The following CPEB3 variants were observed in gnomAD, a reference collection of about 807,000 sequenced individuals.
The protein encoded by CPEB3 is cytoplasmic polyadenylation element-binding protein 3.
A neutral mutation model predicts 67.2 loss-of-function variants in CPEB3; 20 were observed. The ratio of observed to expected loss-of-function variants is 0.30; its 90% CI spans 0.21 to 0.43. CPEB3 has a LOEUF of 0.43. CPEB3 is among the 20% of genes least tolerant of loss of function. The probability of loss-of-function intolerance (pLI) is 1.00; values close to 1 mark genes in which losing one functional copy is unlikely to be tolerated. For synonymous variants in CPEB3, 376 were observed against 393.1 expected, an observed-to-expected ratio of 0.96 and a Z score of 0.51; for missense variants, 746 against 968.6, an observed-to-expected ratio of 0.77 and a Z score of 3.05.
At chr10:92,060,170 A>T (rs1842286079) in intron 9 of CPEB3, among the ~76,000 whole-genome samples, 1 of 152,018 alleles carries the variant, frequency 6.6e-6, no homozygotes, top group South Asian at 2.1e-4. Context: ...CAGCCTGGTC[A>T]ACATGGTGAA....
intron 4 of CPEB3, among the ~76,000 whole-genome samples, chr10:92,152,126 C>A (rs908749395): frequency 6.6e-6 from 1 of 152,232 alleles, no homozygotes; most frequent in Admixed American, 6.5e-5. Context: ...CCAAACTCAT[C>A]TTAAGACATA....
intron 7 of CPEB3, among the ~76,000 whole-genome samples, chr10:92,093,497 C>G (rs1304214101): frequency 6.6e-6 from 1 of 151,892 alleles, no homozygotes; most frequent in Non-Finnish European, 1.5e-5. Context: ...CAGTTAGAAA[C>G]AGTCTACACT....
chr10:92,126,502 A>C (rs1163905986), intron 6 of CPEB3, among the ~76,000 whole-genome samples: 1 of 152,230 alleles, frequency 6.6e-6, no homozygotes, highest in African/African-American at 2.4e-5. Flanking sequence ...CTCTTTGGAA[A>C]TACTCCAGCT....
At chr10:92,248,506 G>A (rs1852161590) in intron 1 of CPEB3, among the ~76,000 whole-genome samples, 1 of 152,142 alleles carries the variant, frequency 6.6e-6, no homozygotes, top group Admixed American at 6.5e-5. Context: ...GTCCTGGGTA[G>A]TTGGTAGGTG....
chr10:92,157,597 C>T (rs1847266885), intron 4 of CPEB3, among the ~76,000 whole-genome samples: 1 of 152,058 alleles, frequency 6.6e-6, no homozygotes, highest in South Asian at 2.1e-4. Context: ...GAAACTTAAG[C>T]TTCATTTACT....
At chr10:92,174,631 G>T (rs910007551) in intron 4 of CPEB3, among the ~76,000 whole-genome samples, 15 of 152,160 alleles carry the variant, frequency 9.9e-5, no homozygotes, top group Middle Eastern at 3.4e-3. Flanking sequence ...AAACTACTTA[G>T]GTTTTATTCT....
chr10:92,157,617 A>T (rs1847268444), intron 4 of CPEB3, among the ~76,000 whole-genome samples: 1 of 152,124 alleles, frequency 6.6e-6, no homozygotes. Context: ...TTCCGGGGTA[A>T]ATCTGACTCT....
chr10:92,232,060 T>C (rs1851295588), intron 2 of CPEB3, among the ~76,000 whole-genome samples: 3 of 149,438 alleles, frequency 2.0e-5, no homozygotes, highest in Admixed American at 1.3e-4. Flanking sequence ...ATAATTTTTT[T>C]TTTTTTTTTG....
At chr10:92,235,340 G>A (rs1390674689) in intron 2 of CPEB3, among the ~76,000 whole-genome samples, 1 of 151,890 alleles carries the variant, frequency 6.6e-6, no homozygotes, top group East Asian at 1.9e-4. Context: ...CAGCTACTTG[G>A]GAAGCTGAGG....
intron 3 of CPEB3, among the ~76,000 whole-genome samples, chr10:92,188,320 T>TAAAAAA (rs756970118): frequency 2.4e-4 from 9 of 36,974 alleles, no homozygotes; most frequent in African/African-American, 9.9e-4. Context: ...TAAGACATAG[T>TAAAAAA]AAAAAAAAAA....
At chr10:92,260,828 C>G (rs1294111964) in intron 1 of CPEB3, among the ~76,000 whole-genome samples, 1 of 152,056 alleles carries the variant, frequency 6.6e-6, no homozygotes, top group Non-Finnish European at 1.5e-5. Context: ...AGGCTGGTCT[C>G]GAACTCCTGA....
chr10:92,269,191 A>G (rs1287317730), intron 1 of CPEB3, among the ~76,000 whole-genome samples: 3 of 152,188 alleles, frequency 2.0e-5, no homozygotes, highest in African/African-American at 7.2e-5. Context: ...AGGCTTCAAG[A>G]TATCAACAGC....
intron 7 of CPEB3, among the ~76,000 whole-genome samples, chr10:92,098,770 C>CTTTTTTTTT (rs984013045): frequency 2.3e-3 from 286 of 124,502 alleles, no homozygotes; most frequent in African/African-American, 4.2e-3. Flanking sequence ...TTCTTTTTTT[C>CTTTTTTTTT]TTTTTTTTTT....
At chr10:92,286,846 A>G (rs1842552208) in intron 1 of CPEB3, among the ~76,000 whole-genome samples, 1 of 152,148 alleles carries the variant, frequency 6.6e-6, no homozygotes, top group Non-Finnish European at 1.5e-5. Context: ...TGATGGAAGA[A>G]CATTAGAGTG....
intron 7 of CPEB3, among the ~76,000 whole-genome samples, chr10:92,100,813 G>A (rs947792092): frequency 2.6e-5 from 4 of 151,890 alleles, no homozygotes; most frequent in East Asian, 3.9e-4. Context: ...GGATGGTCTC[G>A]ATCTCCTAAC....
chr10:92,134,235 T>G (rs1845981456), intron 6 of CPEB3, among the ~76,000 whole-genome samples: 1 of 152,174 alleles, frequency 6.6e-6, no homozygotes, highest in Non-Finnish European at 1.5e-5. Flanking sequence ...TTGTCCCTGT[T>G]TGCAGATGAC....
At chr10:92,090,441 C>G (rs1174994743) in intron 8 of CPEB3, among the ~76,000 whole-genome samples, 1 of 152,188 alleles carries the variant, frequency 6.6e-6, no homozygotes, top group Non-Finnish European at 1.5e-5. Context: ...ACTTGGGGGA[C>G]TGAGGCTGGA....
At chr10:92,216,469 G>A in intron 2 of CPEB3, 1 of 1,612,966 alleles carries the variant, frequency 6.2e-7, no homozygotes, top group Non-Finnish European at 8.5e-7. Context: ...TCAAGCGGAA[G>A]CTCTACAAAT....
intron 1 of CPEB3, among the ~76,000 whole-genome samples, chr10:92,263,598 T>G (rs1030459312): frequency 6.6e-6 from 1 of 152,214 alleles, no homozygotes; most frequent in Non-Finnish European, 1.5e-5. Context: ...ATGCAGGTAT[T>G]TCTTGTCCTA....
Sources: allele counts gnomAD v4.1 joint callset (sites outside exome capture counted in the v4.1 genomes callset), GRCh38; gene constraint gnomAD v4.1.1; transcripts MANE v1.5; gene names NCBI Gene and HGNC (gene_info 2026-07-23, HGNC 2026-07-21).